The following ANKRD66 variants were observed in gnomAD, a reference collection of about 807,000 sequenced individuals.
The protein encoded by ANKRD66 is ankyrin repeat domain-containing protein 66.
ANKRD66 carries 10 observed loss-of-function variants against 10.9 expected under a neutral mutation model. That is an observed-to-expected ratio of 0.91 (90% confidence interval 0.56 to 1.55). ANKRD66 has a LOEUF of 1.55. Ranked by LOEUF, ANKRD66 falls within the 40% of genes most tolerant of loss-of-function variation. The probability of loss-of-function intolerance (pLI) is 0.00; values close to 1 mark genes in which losing one functional copy is unlikely to be tolerated. For synonymous variants in ANKRD66, 85 were observed against 88.4 expected, an observed-to-expected ratio of 0.96 and a Z score of 0.22; for missense variants, 252 against 242.9, an observed-to-expected ratio of 1.04 and a Z score of -0.25.
intron 1 of ANKRD66, among the ~76,000 whole-genome samples, chr6:46,747,458 C>T (rs945029706): frequency 2.0e-5 from 3 of 152,198 alleles, no homozygotes; most frequent in Non-Finnish European, 4.4e-5. Flanking sequence ...TCACTCCCCA[C>T]CCCAACCTCC....
At position 46,758,899 on chromosome 6, in the gene ANKRD66, AT is replaced by A. The variant is rs1311975128; in HGVS notation, c.570del (p.Asn190LysfsTer25). 6.4e-7 allele frequency: 1 copy of A among 1,551,086 alleles called. No homozygotes were observed. On this transcript the variant is annotated frameshift_variant, in exon 5 of 5. Transcript: ENST00000565422. LOFTEE classifies it high-confidence loss of function. ...KKSRGPTRPSNTKGRRV is the reference protein window; with the variant it reads ...KKSRGPTRPSXTKGRRV ...AGTCGAGGCCCCACCAGGCCCAGCA[AT>A]ACCAAGGGGAGGAGAGTATGAGAAC... is the stretch of plus-strand genomic sequence containing the variant.
Position 46,753,959 on chromosome 6 carries a change from AT to A in ANKRD66, c.392+17del, listed in dbSNP as rs981496427. The A allele has an allele frequency of 5.5e-5, 85 of 1,548,390 alleles. No individual in the cohort carries two copies. Among genetic ancestry groups the A allele is most frequent in the Middle Eastern group, 1.7e-4 (1 of 5,998 alleles). ...GTGGCATTTCTGGAAAAGTAAGTTT[AT>A]TTTTTTTCCACCTATAGAAGGAGCA... On this transcript the variant is annotated intron_variant, in intron 4 of 4. Transcript: ENST00000565422.
chr6:46,748,998 G>C (rs774197464), intron 1 of ANKRD66, among the ~76,000 whole-genome samples: 3 of 152,218 alleles, frequency 2.0e-5, no homozygotes, highest in Non-Finnish European at 2.9e-5. Flanking sequence ...GCACACTATG[G>C]TCTACAGGCC....
rs984916254 is a variant in ANKRD66, at chr6:46,747,010, C to T, written c.-97+20C>T. 6.7e-5 allele frequency: 102 copies of T among 1,533,566 alleles called. No homozygotes were observed. The African/African-American group carries it at 1.1e-3, about 16-fold the overall frequency. The allele number at this position is 1,533,566 out of a possible 1,614,324, so 95.0% of individuals were successfully genotyped here. A position where few individuals can be genotyped will look rare whatever the true frequency, so the allele number is the denominator to read the frequency against. On this transcript the variant is annotated intron_variant, in intron 1 of 4. Coordinates refer to ENST00000565422, the MANE Select transcript of ANKRD66 (RefSeq NM_001162435.3). The stretch of plus-strand genomic sequence containing the variant: ...AAGACAGTAAGTGTTTTTAAGTTAC[C>T]CTCTCTTATTTACTATAGTTATTAA...
intron 2 of ANKRD66, among the ~76,000 whole-genome samples, chr6:46,750,904 A>C (rs1029985965): frequency 3.9e-5 from 6 of 152,046 alleles, no homozygotes; most frequent in African/African-American, 1.2e-4. Context: ...GGTCTACCAA[A>C]TGGATCTCTT....
In ANKRD66 at chr6:46,758,966, A is replaced by G; in HGVS notation, c.*45A>G. ...CTGGCAAGGAACTTTCCCTGGTGCC[A>G]GAAATGAGGCTGTTAGGCATGGTGG... On this transcript the variant is annotated 3_prime_UTR_variant, in exon 5 of 5. Transcript: ENST00000565422. The G allele has an allele frequency of 1.3e-6, 2 of 1,496,376 alleles. No individual in the cohort carries two copies. Among genetic ancestry groups the G allele is most frequent in the South Asian group, 2.6e-5 (2 of 76,002 alleles). 92.7% of individuals were successfully genotyped at this position (1,496,376 alleles called of 1,614,324 possible). A position where few individuals can be genotyped will look rare whatever the true frequency, so the allele number is the denominator to read the frequency against.
intron 3 of ANKRD66, among the ~76,000 whole-genome samples, chr6:46,752,783 G>A (rs1459099891): frequency 6.6e-6 from 1 of 152,142 alleles, no homozygotes; most frequent in African/African-American, 2.4e-5. Context: ...AGAAGGATAG[G>A]GGACTTTGCT....
intron 4 of ANKRD66, chr6:46,756,261 G>T: frequency 4.7e-6 from 1 of 214,628 alleles, no homozygotes; most frequent in Non-Finnish European, 9.5e-6. Context: ...TAATTGGAAG[G>T]GTTTGTTATT....
chr6:46,753,618 G>A (rs1165705326), intron 3 of ANKRD66, 104 bp from the exon 4 acceptor site: 6 of 1,165,122 alleles, frequency 5.1e-6, no homozygotes, highest in Non-Finnish European at 7.1e-6. Flanking sequence ...CTCCTCAAAG[G>A]CAAAGTTTCC....
intron 4 of ANKRD66, 108 bp from the exon 5 acceptor site, chr6:46,758,615 T>G (rs992491955): frequency 4.5e-6 from 5 of 1,108,442 alleles, no homozygotes; most frequent in Non-Finnish European, 6.1e-6. Flanking sequence ...TTGGCCTCCT[T>G]CCTTCTCAAC....
chr6:46,755,926 TA>T (rs375857590), intron 4 of ANKRD66, among the ~76,000 whole-genome samples: 31 of 152,246 alleles, frequency 2.0e-4, no homozygotes, highest in African/African-American at 7.5e-4. Flanking sequence ...GAAAAACTCA[TA>T]AAATTTACCA....
chr6:46,747,103 T>C, intron 1 of ANKRD66, 113 bp downstream of exon 1: 2 of 995,464 alleles, frequency 2.0e-6, no homozygotes, highest in Middle Eastern at 2.3e-4. Context: ...ATCTTTATGG[T>C]AGATGTGCCT....
rs1582606847 is a variant in ANKRD66, at chr6:46,753,936, G to A, written c.378G>A (p.Val126=). 1.3e-6 allele frequency: 2 copies of A among 1,550,926 alleles called. No homozygotes were observed. The highest frequency in any genetic ancestry group is 1.7e-6 in the Non-Finnish European group (2 of 1,146,668). ...IAQIYGQKAC[V]AFLEKAEPEC... is the part of the protein sequence containing the mutation. ...AGATCTATGGACAGAAAGCCTGTGTGGCATTTCTGGAAAAGTAAGTTTATT... is the reference window on the plus strand; with the variant it reads ...AGATCTATGGACAGAAAGCCTGTGTAGCATTTCTGGAAAAGTAAGTTTATT... The change falls in exon 4 of 5, where the codon GTG becomes GTA. Residue 126 remains valine (V), a synonymous_variant. Transcript: ENST00000565422.
intron 3 of ANKRD66, among the ~76,000 whole-genome samples, chr6:46,753,434 T>C (rs1331664355): frequency 6.6e-6 from 1 of 152,122 alleles, no homozygotes; most frequent in East Asian, 1.9e-4. Context: ...GCAAGATTCC[T>C]GGGCAGGGCC....
In ANKRD66 at chr6:46,759,012, T is replaced by C. The variant is rs574664796; in HGVS notation, c.*91T>C. ...GGTGGCCTTTCCATGACTTTACTCATAGACCCTTACCCACCTGGCTTCTGC... is the reference window on the plus strand; with the variant it reads ...GGTGGCCTTTCCATGACTTTACTCACAGACCCTTACCCACCTGGCTTCTGC... On this transcript the variant is annotated 3_prime_UTR_variant, in exon 5 of 5. Transcript: ENST00000565422. 48 of 1,319,236 alleles carry C rather than the reference T, an allele frequency of 3.6e-5. No individual in the cohort carries two copies. In the African/African-American group the frequency reaches 6.6e-4, roughly 18 times the overall value. 81.7% of individuals were successfully genotyped at this position (1,319,236 alleles called of 1,614,324 possible).
At chr6:46,758,370 C>T (rs992523072) in intron 4 of ANKRD66, 72 of 176,094 alleles carry the variant, frequency 4.1e-4, no homozygotes, top group African/African-American at 1.6e-3. Flanking sequence ...GAACACACAT[C>T]ACTTTTATGA....
intron 3 of ANKRD66, among the ~76,000 whole-genome samples, chr6:46,752,780 T>C (rs1236804313): frequency 6.6e-6 from 1 of 152,172 alleles, no homozygotes; most frequent in Non-Finnish European, 1.5e-5. Flanking sequence ...CAAAGAAGGA[T>C]AGGGGACTTT....
intron 4 of ANKRD66, chr6:46,758,042 C>T (rs1199500922): frequency 6.6e-6 from 1 of 152,182 alleles, no homozygotes; most frequent in African/African-American, 2.4e-5. Flanking sequence ...ATGGTTTGCA[C>T]TTAAAATGCT....
intron 2 of ANKRD66, among the ~76,000 whole-genome samples, 162 bp downstream of exon 2, chr6:46,750,141 A>C (rs1424747659): frequency 1.3e-5 from 2 of 151,618 alleles, no homozygotes; most frequent in African/African-American, 4.8e-5. Flanking sequence ...CTCAAGTGGC[A>C]CTCTCTCCAC....
Sources: gnomAD v4.1 joint callset for allele counts (sites outside exome capture counted in the v4.1 genomes callset) on GRCh38, gnomAD v4.1.1 for gene constraint, MANE v1.5 for transcripts, NCBI Gene and HGNC (gene_info 2026-07-23, HGNC 2026-07-21) for gene names.